The following MB21D2 variants were observed in gnomAD, a reference collection of about 807,000 sequenced individuals.
The protein encoded by MB21D2 is Mab-21 domain containing 2, also known as nucleotidyltransferase MB21D2.
MB21D2 carries 9 observed loss-of-function variants against 33.3 expected under a neutral mutation model. The observed-to-expected ratio is 0.27, with a 90% confidence interval of 0.16 to 0.47. The LOEUF is 0.47. MB21D2 is among the 20% of genes least tolerant of loss of function. MB21D2 has a pLI of 0.99. For synonymous variants in MB21D2, 241 were observed against 236.3 expected, an observed-to-expected ratio of 1.02 and a Z score of -0.18; for missense variants, 540 against 624.6, an observed-to-expected ratio of 0.86 and a Z score of 1.44.
intron 1 of MB21D2, among the ~76,000 whole-genome samples, chr3:192,872,575 CAA>C (rs35532898): frequency 0.052 from 6,610 of 127,750 alleles, 174 homozygotes; most frequent in African/African-American, 0.08. Flanking sequence ...GACTCCGTCT[CAA>C]AAAAAAAAAA....
At chr3:192,875,504 A>AT (rs1217519449) in intron 1 of MB21D2, among the ~76,000 whole-genome samples, 1 of 152,202 alleles carries the variant, frequency 6.6e-6, no homozygotes, top group East Asian at 1.9e-4. Context: ...CTGTAGGTGG[A>AT]TTTTTTAATT....
At chr3:192,891,204 A>G (rs1485299281) in intron 1 of MB21D2, among the ~76,000 whole-genome samples, 6 of 152,188 alleles carry the variant, frequency 3.9e-5, no homozygotes, top group African/African-American at 1.4e-4. Flanking sequence ...ACAGATTTAC[A>G]TATGGTCACC....
intron 1 of MB21D2, among the ~76,000 whole-genome samples, chr3:192,896,585 G>A (rs1428570986): frequency 6.6e-6 from 1 of 152,170 alleles, no homozygotes; most frequent in African/African-American, 2.4e-5. Flanking sequence ...AAGGACAAAA[G>A]CACTGGTATT....
chr3:192,829,870 G>A (rs545761950), intron 1 of MB21D2, among the ~76,000 whole-genome samples: 129 of 152,208 alleles, frequency 8.5e-4, no homozygotes, highest in African/African-American at 2.7e-3. Context: ...GGGACCACAG[G>A]CATGCACCAC....
chr3:192,917,493 G>A, intron 1 of MB21D2, 137 bp downstream of exon 1: 1 of 779,986 alleles, frequency 1.3e-6, no homozygotes, highest in Non-Finnish European at 2.1e-6. Flanking sequence ...AGGCGGAACA[G>A]AGATGGCTTA....
chr3:192,821,702 T>G (rs1224598062), intron 1 of MB21D2, among the ~76,000 whole-genome samples: 2 of 152,206 alleles, frequency 1.3e-5, no homozygotes, highest in Non-Finnish European at 2.9e-5. Flanking sequence ...AACAACATTC[T>G]TAACGCAGCA....
intron 1 of MB21D2, among the ~76,000 whole-genome samples, chr3:192,847,510 T>C (rs544964505): frequency 1.3e-5 from 2 of 152,254 alleles, no homozygotes; most frequent in South Asian, 4.1e-4. Context: ...TCAACTCACA[T>C]GAAACATGAG....
chr3:192,910,275 G>A (rs1006126865), intron 1 of MB21D2, among the ~76,000 whole-genome samples: 3 of 147,610 alleles, frequency 2.0e-5, no homozygotes, highest in African/African-American at 7.5e-5. Context: ...AGACCAGCCT[G>A]GGCAACAAGA....
At chr3:192,855,784 C>A (rs1024282724) in intron 1 of MB21D2, among the ~76,000 whole-genome samples, 3 of 152,180 alleles carry the variant, frequency 2.0e-5, no homozygotes, top group Non-Finnish European at 4.4e-5. Context: ...AGTTATAAAG[C>A]AAGACAGTCT....
chr3:192,866,818 G>T (rs993884119), intron 1 of MB21D2, among the ~76,000 whole-genome samples: 1 of 152,096 alleles, frequency 6.6e-6, no homozygotes, highest in Non-Finnish European at 1.5e-5. Flanking sequence ...AGACTTAATT[G>T]GATTTCTGAC....
intron 1 of MB21D2, 133 bp downstream of exon 1, chr3:192,917,497 T>C: frequency 2.5e-6 from 2 of 803,526 alleles, no homozygotes; most frequent in Admixed American, 2.4e-5. Context: ...GGAACAGAGA[T>C]GGCTTATACC....
intron 1 of MB21D2, among the ~76,000 whole-genome samples, chr3:192,901,089 C>A (rs2367140): frequency 6.6e-6 from 1 of 151,670 alleles, no homozygotes; most frequent in Non-Finnish European, 1.5e-5. Flanking sequence ...AGGTGAACGG[C>A]CCGAGATGGC....
At chr3:192,913,041 C>T (rs1234895829) in intron 1 of MB21D2, among the ~76,000 whole-genome samples, 10 of 152,204 alleles carry the variant, frequency 6.6e-5, no homozygotes, top group Admixed American at 5.2e-4. Flanking sequence ...CCAAAATCCT[C>T]CTGGGCTACC....
At chr3:192,858,582 A>G (rs1276733927) in intron 1 of MB21D2, among the ~76,000 whole-genome samples, 2 of 152,208 alleles carry the variant, frequency 1.3e-5, no homozygotes, top group Non-Finnish European at 2.9e-5. Context: ...TTTCCCCCTC[A>G]GCATTTCTAG....
intron 1 of MB21D2, among the ~76,000 whole-genome samples, chr3:192,829,884 G>C (rs1712275463): frequency 1.3e-5 from 2 of 152,018 alleles, no homozygotes; most frequent in Non-Finnish European, 2.9e-5. Context: ...GCACCACCAT[G>C]CCCAGCTAAT....
At chr3:192,875,269 C>G (rs1393906636) in intron 1 of MB21D2, among the ~76,000 whole-genome samples, 1 of 152,204 alleles carries the variant, frequency 6.6e-6, no homozygotes, top group Non-Finnish European at 1.5e-5. Context: ...AGGACTGACA[C>G]TGCTGTAAAC....
At chr3:192,809,990 A>C in intron 1 of MB21D2, among the ~76,000 whole-genome samples, 1 of 152,218 alleles carries the variant, frequency 6.6e-6, no homozygotes. Flanking sequence ...TCAGAGCCTT[A>C]ATTTGAAGGT....
intron 1 of MB21D2, among the ~76,000 whole-genome samples, chr3:192,828,533 AT>A (rs1250572169): frequency 6.3e-5 from 9 of 141,868 alleles, no homozygotes; most frequent in Non-Finnish European, 1.4e-4. Context: ...AGGTTGATAT[AT>A]TTTTTTAAGT....
chr3:192,874,686 G>T (rs1713390768), intron 1 of MB21D2, among the ~76,000 whole-genome samples: 1 of 152,166 alleles, frequency 6.6e-6, no homozygotes, highest in Non-Finnish European at 1.5e-5. Flanking sequence ...GACCTCTATG[G>T]ACTGCATGGA....
Sources: gnomAD v4.1 joint callset for allele counts (sites outside exome capture counted in the v4.1 genomes callset) on GRCh38, gnomAD v4.1.1 for gene constraint, MANE v1.5 for transcripts, NCBI Gene and HGNC (gene_info 2026-07-23, HGNC 2026-07-21) for gene names.